CDH6: variants seen among roughly 807,000 people sequenced by gnomAD.
CDH6 encodes the protein cadherin 6, also known as cadherin-6.
A neutral mutation model predicts 78.0 loss-of-function variants in CDH6; 31 were observed. That is an observed-to-expected ratio of 0.40 (90% CI 0.30 to 0.54). CDH6 has a LOEUF of 0.54. Ranked by LOEUF, CDH6 falls within the 20% of genes least tolerant of loss-of-function variation. The pLI, the probability that CDH6 is intolerant of heterozygous loss-of-function variation, is 0.56. For synonymous variants in CDH6, 376 were observed against 368.8 expected (o/e 1.02, Z -0.23); for missense variants, 724 against 975.9 (o/e 0.74, Z 3.44).
chr5:31,257,189 A>G (rs545508381), intron 1 of CDH6, among the ~76,000 whole-genome samples: 1 of 149,686 alleles, frequency 6.7e-6, no homozygotes, highest in Non-Finnish European at 1.5e-5. Context: ...TTTGAGACGG[A>G]GTCTTGCTCT....
At position 31,326,723 on chromosome 5, in the gene CDH6, G is replaced by A. The variant is rs917892411; in HGVS notation, c.*3415G>A. On this transcript the variant is annotated 3_prime_UTR_variant, in exon 12 of 12. Coordinates refer to ENST00000265071, the MANE Select transcript of CDH6 (RefSeq NM_004932.4). ...TTTTTTTTTTTTGAGACAGAATCTC[G>A]CTCTGTCGCCCAGGCTGGAATGCAG... 7.2e-4 allele frequency: 87 copies of A among 121,072 alleles called. No homozygotes were observed. The highest frequency in any genetic ancestry group is 1.1e-3 in the Non-Finnish European group (75 of 66,250). The allele number at this position is 121,072 out of a possible 1,614,324, so 7.5% of individuals were successfully genotyped here.
chr5:31,220,286 A>G (rs1189753742), intron 1 of CDH6, among the ~76,000 whole-genome samples: 1 of 152,184 alleles, frequency 6.6e-6, no homozygotes, highest in Non-Finnish European at 1.5e-5. Context: ...GATTTTTTTA[A>G]ATGTGAGAAC....
rs141262484 is a variant in CDH6 at position 31,317,631 on chromosome 5, G to A, written c.1631-42G>A. On this transcript the variant is annotated intron_variant, in intron 10 of 11. Transcript: ENST00000265071. ...TATCACAGTTGATTTAATACATGAC[G>A]CAGTATCCACATACATTCACCACTT... 866 of 1,588,742 alleles carry A rather than the reference G, an allele frequency of 5.5e-4. 4 individuals carry two copies. In the African/African-American group the frequency reaches 9.9e-3, roughly 18 times the overall value.
chr5:31,300,122 A>C (rs1737723388), intron 5 of CDH6, among the ~76,000 whole-genome samples: 1 of 152,232 alleles, frequency 6.6e-6, no homozygotes, highest in Admixed American at 6.5e-5. Flanking sequence ...CGTTTTCTAC[A>C]TTATGGTTAG....
At chr5:31,300,760 G>A (rs539588476) in intron 5 of CDH6, among the ~76,000 whole-genome samples, 12 of 152,302 alleles carry the variant, frequency 7.9e-5, no homozygotes, top group African/African-American at 2.6e-4. Context: ...TGAGCAATAT[G>A]CCAAGGCAAG....
chr5:31,212,006 T>C (rs1259601326), intron 1 of CDH6, among the ~76,000 whole-genome samples: 5 of 152,230 alleles, frequency 3.3e-5, no homozygotes, highest in African/African-American at 9.6e-5. Flanking sequence ...GGGTATCTCA[T>C]CACTGAGCTC....
chr5:31,206,876 C>A (rs1482693119), intron 1 of CDH6, among the ~76,000 whole-genome samples: 1 of 151,998 alleles, frequency 6.6e-6, no homozygotes, highest in Non-Finnish European at 1.5e-5. Flanking sequence ...TAGAAAGAAG[C>A]ACCATACCTC....
At chr5:31,318,174 A>G in intron 11 of CDH6, 1 of 596,910 alleles carries the variant, frequency 1.7e-6, no homozygotes, top group East Asian at 2.8e-5. Flanking sequence ...CTTGTCTATC[A>G]GACTGGGAAT....
At position 31,297,475 on chromosome 5, in the gene CDH6, T is replaced by A. The variant is rs1452433972; in HGVS notation, c.643+67T>A. 2.5e-6 allele frequency: 3 copies of A among 1,182,688 alleles called. No individual in the cohort carries two copies. The East Asian group carries it at 7.2e-5, about 28-fold the overall frequency. 73.3% of individuals were successfully genotyped at this position (1,182,688 alleles called of 1,614,324 possible). On this transcript the variant is annotated intron_variant, in intron 4 of 11. Transcript: ENST00000265071. ...ATTGACATGCTCAGCTGAGCTAGCA[T>A]ATTTTTAATAAAAATAATCAATGTG...
At chr5:31,299,369 A>G in intron 4 of CDH6, 95 bp from the exon 5 acceptor site, 2 of 940,596 alleles carry the variant, frequency 2.1e-6, no homozygotes, top group South Asian at 3.3e-5. Flanking sequence ...CATTTTGCAT[A>G]TTGTGGGTGA....
At chr5:31,257,770 C>T (rs1742095804) in intron 1 of CDH6, among the ~76,000 whole-genome samples, 1 of 152,142 alleles carries the variant, frequency 6.6e-6, no homozygotes, top group Non-Finnish European at 1.5e-5. Context: ...TCACTCATCC[C>T]TTCAATTTGT....
chr5:31,320,725 C>A (rs188693427), intron 11 of CDH6, among the ~76,000 whole-genome samples: 1 of 152,120 alleles, frequency 6.6e-6, no homozygotes. Flanking sequence ...CGCCTGTAAT[C>A]CCAACACTTT....
chr5:31,328,485 G>A lies in CDH6; in HGVS notation c.*5177G>A, dbSNP rs981089377. 4.3e-5 allele frequency: 9 copies of A among 207,058 alleles called. No homozygotes were observed. The highest frequency in any genetic ancestry group is 8.9e-5 in the Non-Finnish European group (9 of 101,434). The allele number at this position is 207,058 out of a possible 1,614,324, so 12.8% of individuals were successfully genotyped here. A position where few individuals can be genotyped will look rare whatever the true frequency, so the allele number is the denominator to read the frequency against. ...TAAAACTGACCTGCTCGGAAGAAAC[G>A]TAGGAACGCTTCAAACCCACTGTAA... On this transcript the variant is annotated 3_prime_UTR_variant, in exon 12 of 12. Coordinates refer to ENST00000265071, the MANE Select transcript of CDH6 (RefSeq NM_004932.4).
chr5:31,274,986 C>T lies in CDH6; in HGVS notation c.228+7285C>T, dbSNP rs1370846661. Among the ~76,000 whole-genome samples the T allele has an allele frequency of 4.6e-5, 7 of 152,266 alleles. No homozygotes were observed. The South Asian group carries it at 1.0e-3, about 23-fold the overall frequency. ...TCCCGTGCTCATTTTGGGCACAGCCCTTTGAGTCTATTCTATAGGCATTGT... is the reference window on the plus strand; with the variant it reads ...TCCCGTGCTCATTTTGGGCACAGCCTTTTGAGTCTATTCTATAGGCATTGT... On this transcript the variant is annotated intron_variant, in intron 2 of 11. Transcript: ENST00000265071.
chr5:31,320,752 T>C (rs1366703742), intron 11 of CDH6, among the ~76,000 whole-genome samples: 2 of 152,050 alleles, frequency 1.3e-5, no homozygotes, highest in Non-Finnish European at 2.9e-5. Flanking sequence ...CCGAGGCAGG[T>C]GGATCACTTG....
At chr5:31,307,998 G>C (rs1738035032) in intron 7 of CDH6, among the ~76,000 whole-genome samples, 1 of 152,038 alleles carries the variant, frequency 6.6e-6, no homozygotes, top group Non-Finnish European at 1.5e-5. Flanking sequence ...TTTAAGACTA[G>C]AAATACTTAT....
intron 7 of CDH6, among the ~76,000 whole-genome samples, chr5:31,306,041 A>G (rs1737982609): frequency 1.3e-5 from 2 of 152,176 alleles, no homozygotes; most frequent in African/African-American, 4.8e-5. Context: ...ATTATTTTTC[A>G]AGATTTGAGA....
intron 2 of CDH6, among the ~76,000 whole-genome samples, chr5:31,271,653 G>T (rs1374987727): frequency 6.6e-6 from 1 of 152,188 alleles, no homozygotes; most frequent in Non-Finnish European, 1.5e-5. Context: ...GAGTTCGTGA[G>T]TTTAAGATAT....
At chr5:31,306,487 T>C (rs1249348871) in intron 7 of CDH6, among the ~76,000 whole-genome samples, 2 of 152,140 alleles carry the variant, frequency 1.3e-5, no homozygotes, top group African/African-American at 2.4e-5. Context: ...AGAAAAGTGC[T>C]AGCTGGGCAC....
Sources: gnomAD v4.1 joint callset for allele counts (sites outside exome capture counted in the v4.1 genomes callset) on GRCh38, gnomAD v4.1.1 for gene constraint, MANE v1.5 for transcripts, NCBI Gene and HGNC (gene_info 2026-07-23, HGNC 2026-07-21) for gene names.